IL1RAPL1: variants seen among roughly 807,000 people sequenced by gnomAD.
The protein encoded by IL1RAPL1 is interleukin-1 receptor accessory protein-like 1.
IL1RAPL1 carries 3 observed loss-of-function variants against 48.4 expected under a neutral mutation model. The ratio of observed to expected loss-of-function variants is 0.06; its 90% CI spans 0.03 to 0.16. The LOEUF (loss-of-function observed/expected upper bound fraction) is 0.16, where lower values mean the gene tolerates loss of function less well. IL1RAPL1 is among the 10% of genes least tolerant of loss of function. The probability of loss-of-function intolerance (pLI) is 1.00; values close to 1 mark genes in which losing one functional copy is unlikely to be tolerated. For missense variants in IL1RAPL1, 349 were observed against 530.6 expected (o/e 0.66, Z 3.36); for synonymous variants, 185 against 187.7 (o/e 0.99, Z 0.12).
At chrX:29,160,940 C>T (rs1456802069) in intron 2 of IL1RAPL1, among the ~76,000 whole-genome samples, 2 of 111,369 alleles carry the variant, frequency 1.8e-5, no homozygotes, top group Admixed American at 9.5e-5. Context: ...TGCCTGTAAT[C>T]CCAGGTACTT....
intron 1 of IL1RAPL1, among the ~76,000 whole-genome samples, chrX:28,591,939 A>G (rs183430249): frequency 1.4e-3 from 159 of 111,887 alleles, no homozygotes; most frequent in African/African-American, 5.0e-3. Context: ...AAATATATGG[A>G]ATTATTATTA....
intron 2 of IL1RAPL1, among the ~76,000 whole-genome samples, chrX:29,198,485 G>A (rs994925423): frequency 1.8e-5 from 2 of 109,175 alleles, no homozygotes; most frequent in Non-Finnish European, 3.8e-5. Context: ...TAGTAGACAC[G>A]GAGTTTCACC....
intron 2 of IL1RAPL1, among the ~76,000 whole-genome samples, chrX:29,063,711 C>T (rs952741754): frequency 1.8e-5 from 2 of 111,329 alleles, no homozygotes; most frequent in African/African-American, 3.3e-5. Flanking sequence ...GCAAAACACG[C>T]GTAGTCCAGA....
At chrX:28,792,852 A>ATATATATATATATATATATATAT (rs1569174038) in intron 2 of IL1RAPL1, among the ~76,000 whole-genome samples, 1 of 19,868 alleles carries the variant, frequency 5.0e-5, no homozygotes, top group African/African-American at 4.2e-4. Flanking sequence ...TATATATATA[A>ATATATATATATATATATATATAT]AAAATAAGGC....
In IL1RAPL1 at chrX:29,633,469, A is replaced by ACC. The variant is rs1491167883; in HGVS notation, c.704-34960_704-34959insCC. On this transcript the variant is annotated intron_variant, in intron 5 of 10. Coordinates refer to ENST00000378993, the MANE Select transcript of IL1RAPL1 (RefSeq NM_014271.4). ...TGTGACAATTTATCGATATATATAT[A>ACC]CACACACACACACACACACACACAC... Among the ~76,000 whole-genome samples, 6 of 68,393 alleles carry ACC rather than the reference A, an allele frequency of 8.8e-5. No homozygotes were observed. The East Asian group carries it at 3.6e-3, about 41-fold the overall frequency. 59.4% of individuals were successfully genotyped at this position (68,393 alleles called of 115,157 possible).
intron 5 of IL1RAPL1, among the ~76,000 whole-genome samples, chrX:29,476,132 T>G (rs748020921): frequency 1.8e-5 from 2 of 111,201 alleles, no homozygotes; most frequent in Admixed American, 9.5e-5. Context: ...TCTGGATGGA[T>G]TAGCCATCCA....
chrX:28,845,033 G>GT (rs1434759652), intron 2 of IL1RAPL1, among the ~76,000 whole-genome samples: 1 of 111,818 alleles, frequency 8.9e-6, no homozygotes, highest in Non-Finnish European at 1.9e-5. Context: ...TACATGACAG[G>GT]TGAAATATCA....
intron 5 of IL1RAPL1, among the ~76,000 whole-genome samples, chrX:29,413,296 G>A (rs969532697): frequency 8.9e-6 from 1 of 111,925 alleles, no homozygotes; most frequent in African/African-American, 3.3e-5. Context: ...TATTAGCAGC[G>A]TGAGAACAGA....
At chrX:29,717,171 T>C (rs948717569) in intron 6 of IL1RAPL1, among the ~76,000 whole-genome samples, 1 of 106,176 alleles carries the variant, frequency 9.4e-6, no homozygotes, top group Non-Finnish European at 1.9e-5. Context: ...TTACAAGTTT[T>C]ATTTTCCATA....
chrX:28,864,912 A>G (rs1448126557), intron 2 of IL1RAPL1, among the ~76,000 whole-genome samples: 1 of 111,175 alleles, frequency 9.0e-6, no homozygotes, highest in African/African-American at 3.3e-5. Context: ...GGAAGCTATT[A>G]TAGCATTTCC....
At chrX:29,187,313 T>C (rs1930270103) in intron 2 of IL1RAPL1, among the ~76,000 whole-genome samples, 1 of 111,430 alleles carries the variant, frequency 9.0e-6, no homozygotes, top group Non-Finnish European at 1.9e-5. Flanking sequence ...TGTGTAAGAC[T>C]TGACTCTACT....
At chrX:29,426,692 G>A (rs1934354426) in intron 5 of IL1RAPL1, among the ~76,000 whole-genome samples, 1 of 111,604 alleles carries the variant, frequency 9.0e-6, no homozygotes, top group South Asian at 3.7e-4. Flanking sequence ...GGTATACAGA[G>A]CTACTATTTT....
At chrX:29,141,423 G>A (rs1028784390) in intron 2 of IL1RAPL1, among the ~76,000 whole-genome samples, 1 of 111,293 alleles carries the variant, frequency 9.0e-6, no homozygotes, top group African/African-American at 3.3e-5. Context: ...AATTATTGGG[G>A]AAAATAAAAC....
At chrX:29,377,357 A>ATG (rs1933637297) in intron 3 of IL1RAPL1, among the ~76,000 whole-genome samples, 1 of 111,773 alleles carries the variant, frequency 8.9e-6, no homozygotes, top group South Asian at 3.7e-4. Context: ...GCCTATTTAC[A>ATG]TTCGGGGTTA....
At chrX:29,793,152 C>T (rs1929672199) in intron 6 of IL1RAPL1, among the ~76,000 whole-genome samples, 1 of 112,364 alleles carries the variant, frequency 8.9e-6, no homozygotes, top group Admixed American at 9.4e-5. Flanking sequence ...CATTCCACAT[C>T]TATTCCCAAA....
chrX:28,903,683 A>G (rs1923142010), intron 2 of IL1RAPL1, among the ~76,000 whole-genome samples: 1 of 110,922 alleles, frequency 9.0e-6, no homozygotes, highest in South Asian at 3.7e-4. Context: ...TATGCATGAT[A>G]TAATAGATTA....
intron 2 of IL1RAPL1, among the ~76,000 whole-genome samples, chrX:29,084,744 T>G (rs779518321): frequency 1.8e-5 from 2 of 112,718 alleles, no homozygotes; most frequent in Admixed American, 1.9e-4. Flanking sequence ...CAGGCTGGAG[T>G]GCAGTGGTGC....
At chrX:29,827,564 G>T (rs1277643852) in intron 6 of IL1RAPL1, among the ~76,000 whole-genome samples, 1 of 111,804 alleles carries the variant, frequency 8.9e-6, no homozygotes, top group African/African-American at 3.2e-5. Context: ...ACCAGAGAAG[G>T]CCTCTCTGAT....
At chrX:29,530,551 G>A (rs1426618646) in intron 5 of IL1RAPL1, among the ~76,000 whole-genome samples, 2 of 111,812 alleles carry the variant, frequency 1.8e-5, no homozygotes, top group Non-Finnish European at 3.8e-5. Flanking sequence ...ATTGACTGAG[G>A]GCTTCTGGAG....
Sources: gnomAD v4.1 joint callset for allele counts (sites outside exome capture counted in the v4.1 genomes callset) on GRCh38, gnomAD v4.1.1 for gene constraint, MANE v1.5 for transcripts, NCBI Gene and HGNC (gene_info 2026-07-23, HGNC 2026-07-21) for gene names.